The following BRIP1 variants were observed in gnomAD, a reference collection of about 807,000 sequenced individuals.
BRIP1 encodes Fanconi anemia group J protein.
Under a neutral mutation model 119.7 loss-of-function variants are expected in BRIP1, and 88 were observed. The observed-to-expected ratio is 0.74, with a 90% CI of 0.62 to 0.88. The LOEUF (loss-of-function observed/expected upper bound fraction) is 0.88, where lower values mean the gene tolerates loss of function less well. Among genes scored for constraint, BRIP1 ranks in the 40% least tolerant of loss-of-function variants. The probability of loss-of-function intolerance (pLI) is 0.00; values close to 1 mark genes in which losing one functional copy is unlikely to be tolerated. For missense variants in BRIP1, 1,259 were observed against 1,455.4 expected, an observed-to-expected ratio of 0.87 and a Z score of 2.20; for synonymous variants, 443 against 496.5, an observed-to-expected ratio of 0.89 and a Z score of 1.43.
intron 4 of BRIP1, among the ~76,000 whole-genome samples, chr17:61,849,721 G>T (rs1447894478): frequency 2.6e-5 from 4 of 152,188 alleles, no homozygotes; most frequent in African/African-American, 9.6e-5. Context: ...AGGTCATCCA[G>T]GACCTCTTAA....
Position 61,764,763 on chromosome 17 carries a change from C to T in BRIP1, c.2097+11638G>A, listed in dbSNP as rs535106470. Among the ~76,000 whole-genome samples the T allele has an allele frequency of 2.6e-5, 4 of 151,776 alleles. No individual in the cohort carries two copies. The East Asian group carries it at 7.7e-4, about 29-fold the overall frequency. On this transcript the variant is annotated intron_variant, in intron 14 of 19. Transcript: ENST00000259008. ...GTCTGTCATTTCCCAAAAGTGCTTC[C>T]TATATTTATCCTTACATCCATGAAA...
In BRIP1 at chr17:61,799,758, A is replaced by G. The variant is rs1960101148; in HGVS notation, c.1141-459T>C. 6.6e-6 allele frequency among the ~76,000 whole-genome samples: 1 copy of G among 152,160 alleles called. No individual in the cohort carries two copies. The highest frequency in any genetic ancestry group is 2.4e-5 in the African/African-American group (1 of 41,446). On this transcript the variant is annotated intron_variant, in intron 8 of 19. Coordinates refer to ENST00000259008, the MANE Select transcript of BRIP1 (RefSeq NM_032043.3). The surrounding 1 kb of genome is among the most constrained non-coding windows in gnomAD (Gnocchi z 5.1). The stretch of plus-strand genomic sequence containing the variant: ...AAACCTTTAAAAGTAAAATAACAAT[A>G]CAAGATTAAAATGACTCTTAAAATA...
chr17:61,779,780 AC>A (rs1023849136), intron 13 of BRIP1, among the ~76,000 whole-genome samples: 1 of 152,000 alleles, frequency 6.6e-6, no homozygotes, highest in African/African-American at 2.4e-5. Context: ...ACATGCTGAA[AC>A]CCCATCTCTA....
rs527846163 is a variant in BRIP1, at chr17:61,770,639, C to T, written c.2097+5762G>A. On this transcript the variant is annotated intron_variant, in intron 14 of 19. Transcript: ENST00000259008. This position sits in a 1 kb window ranked among gnomAD's most constrained non-coding sequence, Gnocchi z 4.7. ...AAAGAAGGTAGGATTAAAAAAACAG[C>T]TACATAGGATTAAAGCTTCTGCATT... 6.6e-6 allele frequency among the ~76,000 whole-genome samples: 1 copy of T among 151,770 alleles called. No homozygotes were observed. The highest frequency in any genetic ancestry group is 1.9e-4 in the East Asian group (1 of 5,176).
rs1240771235 is a variant in BRIP1, at chr17:61,789,719, TTTAC to T, written c.1473+3874_1473+3877del. On this transcript the variant is annotated intron_variant, in intron 10 of 19. Coordinates refer to ENST00000259008, the MANE Select transcript of BRIP1 (RefSeq NM_032043.3). The surrounding 1 kb of genome is among the most constrained non-coding windows in gnomAD (Gnocchi z 4.8). ...CAATTAAAAATTATGTGAAGGAATC[TTTAC>T]TTAAATAGGAAAGTATACACAATAT... Among the ~76,000 whole-genome samples the T allele has an allele frequency of 6.6e-6, 1 of 152,178 alleles. No individual in the cohort carries two copies. Among genetic ancestry groups the T allele is most frequent in the Non-Finnish European group, 1.5e-5 (1 of 68,014 alleles).
chr17:61,702,222 T>C (rs9890079), intron 17 of BRIP1, among the ~76,000 whole-genome samples: 5,994 of 152,250 alleles, frequency 0.039, 433 homozygotes, highest in African/African-American at 0.14. Flanking sequence ...TCTTCATCTA[T>C]GTTTCAGAGG....
rs1426003140 is a variant in BRIP1 at position 61,744,553 on chromosome 17, A to G, written c.2136T>C (p.Gly712=). 2 of 1,613,792 alleles carry G rather than the reference A, an allele frequency of 1.2e-6. No homozygotes were observed. Among genetic ancestry groups the G allele is most frequent in the Admixed American group, 1.7e-5 (1 of 59,992 alleles). ...TCACCAACTCCAGATTATGCCATAA[A>G]CCAGTAGAGAGCCAACGTTCTTTTA... The part of the protein sequence containing the change: ...EKLKERWLST[G]LWHNLELVKT... The change falls in exon 15 of 20, where the codon GGT becomes GGC. Residue 712 remains glycine (G), a synonymous_variant. Coordinates refer to ENST00000259008, the MANE Select transcript of BRIP1 (RefSeq NM_032043.3). The surrounding 1 kb of genome is among the most constrained non-coding windows in gnomAD (Gnocchi z 5.0).
At chr17:61,772,820 G>GAAAAAA (rs71355193) in intron 14 of BRIP1, among the ~76,000 whole-genome samples, 2 of 53,530 alleles carry the variant, frequency 3.7e-5, no homozygotes, top group African/African-American at 8.1e-5. Flanking sequence ...TTCCATCTCA[G>GAAAAAA]AAAAAAAAAA....
chr17:61,715,072 C>T (rs1490558521), intron 17 of BRIP1, among the ~76,000 whole-genome samples: 3 of 151,578 alleles, frequency 2.0e-5, no homozygotes, highest in Admixed American at 6.6e-5. Context: ...TGGTGGCGCA[C>T]GCCTGTAATC....
rs1267861043 is a variant in BRIP1, at chr17:61,740,907, A to T, written c.2379+2106T>A. Among the ~76,000 whole-genome samples, 1 of 152,144 alleles carries T rather than the reference A, an allele frequency of 6.6e-6. No individual in the cohort carries two copies. The highest frequency in any genetic ancestry group is 2.4e-5 in the African/African-American group (1 of 41,438). ...TGGAGTGGCTGTGGCAATTTCTTAA[A>T]ATAAGACGACCATGAAGTTTGCTCT... On this transcript the variant is annotated intron_variant, in intron 16 of 19. Coordinates refer to ENST00000259008, the MANE Select transcript of BRIP1 (RefSeq NM_032043.3). The surrounding 1 kb of genome is among the most constrained non-coding windows in gnomAD (Gnocchi z 5.4).
Position 61,743,054 on chromosome 17 carries a change from T to G in BRIP1, c.2338A>C (p.Ile780Leu), listed in dbSNP as rs776131401. The G allele has an allele frequency of 1.2e-6, 2 of 1,614,072 alleles. No individual in the cohort carries two copies. Among genetic ancestry groups the G allele is most frequent in the South Asian group, 2.2e-5 (2 of 91,076 alleles). ...TTTGGAAAAGGAATTCCTATTGTTATGACAGCACGGGCATTGTCATCTGAG... is the reference window on the plus strand; with the variant it reads ...TTTGGAAAAGGAATTCCTATTGTTAGGACAGCACGGGCATTGTCATCTGAG... Reference protein sequence around the residue: ...DFSDDNARAVITIGIPFPNVK... With the variant: ...DFSDDNARAVLTIGIPFPNVK... Residue 780 changes from isoleucine (I) to leucine (L), a missense_variant, in exon 16 of 20, where the codon ATA becomes CTA. This residue lies in a region of BRIP1 where 753 missense variants were observed against 891.8 expected (regional missense o/e 0.84). Transcript: ENST00000259008. This position sits in a 1 kb window ranked among gnomAD's most constrained non-coding sequence, Gnocchi z 4.3.
rs1464542201 is a variant in BRIP1, at chr17:61,853,317, T to C, written c.379+3741A>G. Among the ~76,000 whole-genome samples the C allele has an allele frequency of 6.6e-6, 1 of 151,644 alleles. No individual in the cohort carries two copies. The highest frequency in any genetic ancestry group is 1.5e-5 in the Non-Finnish European group (1 of 67,938). ...TGGTCACAGGAGGACAAGAATTACC[T>C]ATGGAAAGAAGGGACAGTGACTGAA... On this transcript the variant is annotated intron_variant, in intron 4 of 19. Transcript: ENST00000259008. This position sits in a 1 kb window ranked among gnomAD's most constrained non-coding sequence, Gnocchi z 4.3.
chr17:61,772,875 T>A (rs1368302271), intron 14 of BRIP1, among the ~76,000 whole-genome samples: 1 of 134,276 alleles, frequency 7.4e-6, no homozygotes, highest in African/African-American at 2.8e-5. Flanking sequence ...TTCACCACAA[T>A]TAGAAATGAC....
At chr17:61,811,052 G>T (rs1320861080) in intron 6 of BRIP1, among the ~76,000 whole-genome samples, 10 of 152,018 alleles carry the variant, frequency 6.6e-5, no homozygotes, top group African/African-American at 2.4e-4. Context: ...CTTTAGTTAG[G>T]ACTTGAAATC....
chr17:61,688,988 A>ATTTAT (rs2061402860), intron 18 of BRIP1, among the ~76,000 whole-genome samples: 1 of 124,816 alleles, frequency 8.0e-6, no homozygotes, highest in African/African-American at 3.1e-5. Flanking sequence ...GAATCAGGAA[A>ATTTAT]TTTATTTTAT....
chr17:61,791,575 G>A (rs372662491), intron 10 of BRIP1, among the ~76,000 whole-genome samples: 2 of 148,566 alleles, frequency 1.3e-5, no homozygotes, highest in Non-Finnish European at 3.0e-5. Flanking sequence ...TCGCACATGA[G>A]AGTACCTTTG....
At position 61,815,042 on chromosome 17, in the gene BRIP1, A is replaced by G. The variant is rs1157079890; in HGVS notation, c.628-6285T>C. Reference sequence around the variant, plus strand: ...ACTTCAGGTAGAGAGTGAGGAATCAAGACTATGGAAGATAATCTTAAAAGC... The same window carrying G: ...ACTTCAGGTAGAGAGTGAGGAATCAGGACTATGGAAGATAATCTTAAAAGC... On this transcript the variant is annotated intron_variant, in intron 6 of 19. Coordinates refer to ENST00000259008, the MANE Select transcript of BRIP1 (RefSeq NM_032043.3). The surrounding 1 kb of genome is among the most constrained non-coding windows in gnomAD (Gnocchi z 4.1). 6.6e-6 allele frequency among the ~76,000 whole-genome samples: 1 copy of G among 151,904 alleles called. No homozygotes were observed. Among genetic ancestry groups the G allele is most frequent in the Admixed American group, 6.6e-5 (1 of 15,238 alleles).
intron 17 of BRIP1, among the ~76,000 whole-genome samples, chr17:61,712,878 T>C (rs1218404430): frequency 6.8e-6 from 1 of 147,960 alleles, no homozygotes; most frequent in Non-Finnish European, 1.5e-5. Context: ...CACTCCAGCC[T>C]GGCTACAGAG....
intron 7 of BRIP1, among the ~76,000 whole-genome samples, chr17:61,801,907 T>G (rs1417675085): frequency 6.6e-6 from 1 of 152,140 alleles, no homozygotes; most frequent in East Asian, 1.9e-4. Flanking sequence ...CTTTTGTACC[T>G]TTTCAACTTT....
Sources: allele counts gnomAD v4.1 joint callset (sites outside exome capture counted in the v4.1 genomes callset), GRCh38; gene constraint gnomAD v4.1.1; regional missense constraint gnomAD v4.1.1; non-coding constraint Gnocchi (gnomAD v3.1); transcripts MANE v1.5; gene names NCBI Gene and HGNC (gene_info 2026-07-23, HGNC 2026-07-21).